LUZP2: variants seen among roughly 807,000 people sequenced by gnomAD.
The protein encoded by LUZP2 is leucine zipper protein 2.
In LUZP2, 52 loss-of-function variants were observed where a neutral mutation model predicts 51.6. The observed-to-expected ratio is 1.01, with a 90% CI of 0.81 to 1.27. LUZP2 has a LOEUF of 1.27. Among genes scored for constraint, LUZP2 ranks in the 50% most tolerant of loss-of-function variants. LUZP2 has a pLI of 0.00. For synonymous variants in LUZP2, 154 were observed against 137.3 expected, an observed-to-expected ratio of 1.12 and a Z score of -0.85; for missense variants, 436 against 395.4, an observed-to-expected ratio of 1.10 and a Z score of -0.87.
intron 1 of LUZP2, among the ~76,000 whole-genome samples, chr11:24,522,015 A>G (rs1276566379): frequency 6.6e-6 from 1 of 152,180 alleles, no homozygotes; most frequent in Non-Finnish European, 1.5e-5. Context: ...CCTGTTTTGA[A>G]TAGCTTAACA....
intron 5 of LUZP2, among the ~76,000 whole-genome samples, chr11:24,896,154 G>A (rs557076876): frequency 2.6e-5 from 4 of 152,328 alleles, no homozygotes; most frequent in South Asian, 4.1e-4. Flanking sequence ...GCTGGCCTTC[G>A]GTTCCTCCTC....
intron 1 of LUZP2, among the ~76,000 whole-genome samples, chr11:24,609,027 C>A (rs753691600): frequency 1.3e-5 from 2 of 151,938 alleles, no homozygotes; most frequent in African/African-American, 4.8e-5. Flanking sequence ...GAAATGGTAA[C>A]GTAACATCCA....
chr11:24,777,923 C>CT (rs34570275), intron 5 of LUZP2, among the ~76,000 whole-genome samples: 90,623 of 151,658 alleles, frequency 0.6, 27,536 homozygotes, highest in Non-Finnish European at 0.67. Context: ...AGAAAAAAGT[C>CT]TTTTTTTAAT....
At chr11:24,889,148 A>G (rs1383402124) in intron 5 of LUZP2, among the ~76,000 whole-genome samples, 3 of 152,178 alleles carry the variant, frequency 2.0e-5, no homozygotes, top group African/African-American at 7.2e-5. Flanking sequence ...TCACCCTGGT[A>G]AAATATGGCA....
At chr11:24,862,810 T>C (rs2129353) in intron 5 of LUZP2, among the ~76,000 whole-genome samples, 23,677 of 152,192 alleles carry the variant, frequency 0.16, 1,998 homozygotes, top group African/African-American at 0.21. Context: ...TCAAATTGTA[T>C]CTAATAAAGA....
At chr11:24,544,877 T>G (rs1432288315) in intron 1 of LUZP2, among the ~76,000 whole-genome samples, 1 of 152,148 alleles carries the variant, frequency 6.6e-6, no homozygotes, top group Non-Finnish European at 1.5e-5. Context: ...TTTTCCACAA[T>G]GGCTGAACTA....
At chr11:24,632,103 T>C (rs1590269429) in intron 1 of LUZP2, among the ~76,000 whole-genome samples, 1 of 152,136 alleles carries the variant, frequency 6.6e-6, no homozygotes, top group East Asian at 1.9e-4. Context: ...CTGTGTAATG[T>C]CATTTCACAT....
chr11:24,646,963 G>A (rs1855480815), intron 1 of LUZP2, among the ~76,000 whole-genome samples: 1 of 151,976 alleles, frequency 6.6e-6, no homozygotes, highest in Admixed American at 6.6e-5. Context: ...AAGCACTGTT[G>A]ACTTTTCATT....
intron 5 of LUZP2, among the ~76,000 whole-genome samples, chr11:24,842,614 G>C (rs1051190814): frequency 1.3e-5 from 2 of 151,922 alleles, no homozygotes; most frequent in Non-Finnish European, 2.9e-5. Flanking sequence ...TGACCCTTAA[G>C]CTAGAAATCA....
chr11:25,022,724 T>G (rs1258522179), intron 9 of LUZP2, among the ~76,000 whole-genome samples: 1 of 152,066 alleles, frequency 6.6e-6, no homozygotes, highest in Non-Finnish European at 1.5e-5. Context: ...GGCTTACAGA[T>G]TCTCTATATT....
At chr11:24,638,906 T>A (rs1014843675) in intron 1 of LUZP2, among the ~76,000 whole-genome samples, 5 of 151,572 alleles carry the variant, frequency 3.3e-5, no homozygotes, top group African/African-American at 1.2e-4. Flanking sequence ...TTATGAAAGA[T>A]AATTTTCCCA....
rs193292280 is a variant in LUZP2, at chr11:24,933,902, A to T, written c.522+19364A>T. Among the ~76,000 whole-genome samples the T allele has an allele frequency of 1.4e-3, 213 of 152,148 alleles. 1 individual carries two copies. The highest frequency in any genetic ancestry group is 3.1e-3 in the Admixed American group (48 of 15,274). On this transcript the variant is annotated intron_variant, in intron 7 of 11. Coordinates refer to ENST00000336930, the MANE Select transcript of LUZP2 (RefSeq NM_001009909.4). ...GCAATTTTCTGTGGGCAGGGGGTGG[A>T]TCTTACAAAATACATTTTCAAGGGT...
At chr11:24,998,224 T>C (rs1176448411) in intron 9 of LUZP2, among the ~76,000 whole-genome samples, 2 of 152,216 alleles carry the variant, frequency 1.3e-5, no homozygotes, top group African/African-American at 2.4e-5. Context: ...ATGGCCATTT[T>C]CACGATATCG....
At chr11:24,838,061 A>AT (rs1328000362) in intron 5 of LUZP2, among the ~76,000 whole-genome samples, 2 of 149,914 alleles carry the variant, frequency 1.3e-5, no homozygotes, top group East Asian at 4.0e-4. Context: ...ATATGTTACT[A>AT]TTTTTTCTCA....
intron 1 of LUZP2, among the ~76,000 whole-genome samples, chr11:24,561,901 TG>T (rs1852053307): frequency 6.6e-6 from 1 of 152,006 alleles, no homozygotes. Flanking sequence ...GTCTTAATTT[TG>T]TTTTGGAAGA....
At chr11:24,751,337 T>A (rs1186499483) in intron 4 of LUZP2, 1 of 152,128 alleles carries the variant, frequency 6.6e-6, no homozygotes, top group Non-Finnish European at 1.5e-5. Context: ...TTGTGATTAG[T>A]TGAGTCAGGG....
chr11:24,796,152 C>A lies in LUZP2; in HGVS notation c.396+32844C>A, dbSNP rs187156775. ...ATCTGAAGCACAATTTGGTGAATAA[C>A]CTTCTGAACACGCAGGGGTATACGT... On this transcript the variant is annotated intron_variant, in intron 5 of 11. Coordinates refer to ENST00000336930, the MANE Select transcript of LUZP2 (RefSeq NM_001009909.4). Among the ~76,000 whole-genome samples the A allele has an allele frequency of 5.9e-5, 9 of 152,106 alleles. No homozygotes were observed. In the East Asian group the frequency reaches 1.6e-3, roughly 26 times the overall value.
chr11:24,633,936 A>T (rs1349304163), intron 1 of LUZP2, among the ~76,000 whole-genome samples: 2 of 127,472 alleles, frequency 1.6e-5, no homozygotes, highest in African/African-American at 6.4e-5. Flanking sequence ...TTAGTCTAAC[A>T]CACGTGTGTG....
At chr11:24,782,625 C>T (rs1849127280) in intron 5 of LUZP2, among the ~76,000 whole-genome samples, 1 of 152,024 alleles carries the variant, frequency 6.6e-6, no homozygotes, top group Non-Finnish European at 1.5e-5. Flanking sequence ...CTTCCTCTTC[C>T]TCCTCCTTTT....
Sources: allele counts gnomAD v4.1 joint callset (sites outside exome capture counted in the v4.1 genomes callset), GRCh38; gene constraint gnomAD v4.1.1; transcripts MANE v1.5; gene names NCBI Gene and HGNC (gene_info 2026-07-23, HGNC 2026-07-21).